The following SLC44A5 variants were observed in gnomAD, a reference collection of about 807,000 sequenced individuals.
SLC44A5 encodes choline transporter-like protein 5.
SLC44A5 carries 57 observed loss-of-function variants against 101.8 expected under a neutral mutation model. The ratio of observed to expected loss-of-function variants is 0.56; its 90% confidence interval spans 0.45 to 0.70. The LOEUF is 0.70. Among genes scored for constraint, SLC44A5 ranks in the 30% least tolerant of loss-of-function variants. The probability of loss-of-function intolerance (pLI) is 0.00; values close to 1 mark genes in which losing one functional copy is unlikely to be tolerated. For missense variants in SLC44A5, 737 were observed against 853.1 expected, an observed-to-expected ratio of 0.86 and a Z score of 1.70; for synonymous variants, 281 against 290.9, an observed-to-expected ratio of 0.97 and a Z score of 0.35.
At chr1:75,710,838 T>C in the SLC44A5 span, among the ~76,000 whole-genome samples, 1 of 152,188 alleles carries the variant, frequency 6.6e-6, no homozygotes, top group Non-Finnish European at 1.5e-5. Context: ...TACGGTCTAG[T>C]GACAGCTGAA....
chr1:75,264,545 C>T (rs375479481), intron 6 of SLC44A5, among the ~76,000 whole-genome samples: 3 of 152,078 alleles, frequency 2.0e-5, no homozygotes, highest in African/African-American at 4.8e-5. Flanking sequence ...TCTGAATGAC[C>T]GTTAGGTCAA....
chr1:75,619,744 A>G, the SLC44A5 span, among the ~76,000 whole-genome samples: 1 of 152,164 alleles, frequency 6.6e-6, no homozygotes, highest in Non-Finnish European at 1.5e-5. Flanking sequence ...TAATGTCCCT[A>G]GAATTAGAGA....
At chr1:75,529,043 C>A (rs891413328) in intron 2 of SLC44A5, among the ~76,000 whole-genome samples, 1 of 152,142 alleles carries the variant, frequency 6.6e-6, no homozygotes, top group African/African-American at 2.4e-5. Flanking sequence ...TACTTACCTG[C>A]AACCCACTTT....
At chr1:75,641,609 T>A in the SLC44A5 span, 5 of 1,503,588 alleles carry the variant, frequency 3.3e-6, no homozygotes, top group Non-Finnish European at 4.6e-6. Flanking sequence ...TTCTTTGGGA[T>A]TATTTGGGTC....
intron 3 of SLC44A5, among the ~76,000 whole-genome samples, chr1:75,366,274 C>A (rs1299400398): frequency 6.6e-6 from 1 of 152,236 alleles, no homozygotes; most frequent in Non-Finnish European, 1.5e-5. Context: ...TCATCTCTCC[C>A]TTTCTGAAGG....
chr1:75,550,035 GA>G (rs1570590685), intron 1 of SLC44A5, among the ~76,000 whole-genome samples: 2 of 151,932 alleles, frequency 1.3e-5, no homozygotes, highest in Middle Eastern at 3.4e-3. Context: ...TTTAAGTGAA[GA>G]AAAAAACATA....
the SLC44A5 span, among the ~76,000 whole-genome samples, chr1:75,713,762 C>T: frequency 2.6e-5 from 4 of 152,134 alleles, no homozygotes; most frequent in Non-Finnish European, 5.9e-5. Flanking sequence ...TTGTGCTATA[C>T]GTCTCTCTGA....
At chr1:75,577,317 G>A (rs796773739) in intron 1 of SLC44A5, among the ~76,000 whole-genome samples, 7 of 152,268 alleles carry the variant, frequency 4.6e-5, no homozygotes, top group African/African-American at 1.7e-4. Flanking sequence ...ATATTTCTCA[G>A]AATAAAAGCC....
At chr1:75,603,683 T>C (rs754559332) in intron 1 of SLC44A5, among the ~76,000 whole-genome samples, 3 of 151,616 alleles carry the variant, frequency 2.0e-5, no homozygotes, top group South Asian at 2.1e-4. Flanking sequence ...TTCTGACTTA[T>C]ATGAGATGGT....
chr1:75,695,798 C>A, the SLC44A5 span, among the ~76,000 whole-genome samples: 62 of 147,820 alleles, frequency 4.2e-4, no homozygotes, highest in African/African-American at 1.5e-3. Context: ...ACTATGTATA[C>A]TGTATGAATT....
intron 23 of SLC44A5, among the ~76,000 whole-genome samples, chr1:75,209,185 G>A (rs1316258169): frequency 6.6e-6 from 1 of 152,176 alleles, no homozygotes; most frequent in Admixed American, 6.5e-5. Context: ...AATTAATAAA[G>A]ATGGTGGAAA....
the SLC44A5 span, among the ~76,000 whole-genome samples, chr1:75,658,738 C>A: frequency 2.0e-5 from 3 of 151,824 alleles, no homozygotes; most frequent in Admixed American, 6.6e-5. Flanking sequence ...CAAGAACAAA[C>A]AAACCCAAAA....
At chr1:75,386,512 G>A (rs1477583804) in intron 3 of SLC44A5, among the ~76,000 whole-genome samples, 1 of 152,118 alleles carries the variant, frequency 6.6e-6, no homozygotes, top group Non-Finnish European at 1.5e-5. Flanking sequence ...GGGATGTGAA[G>A]GACGTCTTCA....
chr1:75,652,867 T>C, the SLC44A5 span, among the ~76,000 whole-genome samples: 1 of 152,156 alleles, frequency 6.6e-6, no homozygotes, highest in Non-Finnish European at 1.5e-5. Flanking sequence ...AATTCTATGC[T>C]AACAGTTATT....
chr1:75,292,935 T>A (rs563295878), intron 5 of SLC44A5, among the ~76,000 whole-genome samples: 1 of 152,230 alleles, frequency 6.6e-6, no homozygotes, highest in Admixed American at 6.5e-5. Flanking sequence ...TTGGGTTACG[T>A]TGGTGAATAA....
intron 6 of SLC44A5, among the ~76,000 whole-genome samples, chr1:75,255,888 C>T (rs898945625): frequency 6.6e-6 from 1 of 152,070 alleles, no homozygotes; most frequent in African/African-American, 2.4e-5. Context: ...TTTCAATCTA[C>T]ACTTCTATAG....
the SLC44A5 span, among the ~76,000 whole-genome samples, chr1:75,629,796 T>C: frequency 2.0e-5 from 3 of 152,126 alleles, no homozygotes; most frequent in African/African-American, 7.2e-5. Context: ...CAGTGCTTCA[T>C]GATATAAAAG....
intron 1 of SLC44A5, among the ~76,000 whole-genome samples, chr1:75,576,554 G>C (rs1013444884): frequency 6.6e-6 from 1 of 152,064 alleles, no homozygotes; most frequent in African/African-American, 2.4e-5. Context: ...TCCTGACCTC[G>C]TGATCCGTCC....
chr1:75,301,911 A>G (rs1171192619), intron 4 of SLC44A5, among the ~76,000 whole-genome samples: 4 of 152,158 alleles, frequency 2.6e-5, no homozygotes, highest in African/African-American at 9.7e-5. Context: ...CTACATCTAA[A>G]ATCAATTACA....
Sources: gnomAD v4.1 joint callset for allele counts (sites outside exome capture counted in the v4.1 genomes callset) on GRCh38, gnomAD v4.1.1 for gene constraint, MANE v1.5 for transcripts, NCBI Gene and HGNC (gene_info 2026-07-23, HGNC 2026-07-21) for gene names.